Variants in CHST11 observed in about 807,000 individuals in gnomAD.
CHST11 encodes carbohydrate sulfotransferase 11, also known as C4S-1.
CHST11 carries 9 observed loss-of-function variants against 30.4 expected under a neutral mutation model. That is an observed-to-expected ratio of 0.30 (90% CI 0.18 to 0.52). The LOEUF is 0.52. Ranked by LOEUF, CHST11 falls within the 20% of genes least tolerant of loss-of-function variation. The pLI is 0.97. For missense variants in CHST11, 348 were observed against 460.6 expected (o/e 0.76, Z 2.24); for synonymous variants, 152 against 187.8 (o/e 0.81, Z 1.56).
chr12:104,756,532 G>GGTGTGT lies in CHST11; in HGVS notation c.205-392_205-387dup, dbSNP rs113577198. On this transcript the variant is annotated intron_variant, in intron 2 of 2. Coordinates refer to ENST00000303694, the MANE Select transcript of CHST11 (RefSeq NM_018413.6). Reference sequence around the variant, plus strand: ...CATCATGAGGTCTGGATCCATGTGGGGTGTGTGTGTGTGTGTGTGTGTGTG... The same window carrying GGTGTGT: ...CATCATGAGGTCTGGATCCATGTGGGGTGTGTGTGTGTGTGTGTGTGTGTGTGTGTG... 7.9e-3 allele frequency among the ~76,000 whole-genome samples: 1,128 copies of GGTGTGT among 143,388 alleles called. 17 individuals are homozygous for GGTGTGT. The highest frequency in any genetic ancestry group is 0.026 in the African/African-American group (1,003 of 38,350). 94.1% of individuals were successfully genotyped at this position (143,388 alleles called of 152,430 possible). A position where few individuals can be genotyped will look rare whatever the true frequency, so the allele number is the denominator to read the frequency against.
chr12:104,583,968 C>T (rs1347963613), intron 1 of CHST11, among the ~76,000 whole-genome samples: 1 of 152,352 alleles, frequency 6.6e-6, no homozygotes, highest in Non-Finnish European at 1.5e-5. Context: ...CCTCCTCGGC[C>T]TCCCAAAGTG....
At chr12:104,570,243 T>C (rs1309579862) in intron 1 of CHST11, among the ~76,000 whole-genome samples, 1 of 152,210 alleles carries the variant, frequency 6.6e-6, no homozygotes, top group Non-Finnish European at 1.5e-5. Context: ...CCTTGTTTAT[T>C]CCTCTTTTCC....
chr12:104,470,212 TTA>T (rs2037494857), intron 1 of CHST11, among the ~76,000 whole-genome samples: 1 of 152,222 alleles, frequency 6.6e-6, no homozygotes, highest in African/African-American at 2.4e-5. Context: ...TAGTCTGTTC[TTA>T]TGCTGCTGTG....
intron 1 of CHST11, among the ~76,000 whole-genome samples, chr12:104,544,138 A>AAAAGAAAGAAAGAAAG (rs59116085): frequency 0.055 from 3,956 of 71,428 alleles, 145 homozygotes; most frequent in Middle Eastern, 0.12. Context: ...AAAAAAAAAA[A>AAAAGAAAGAAAGAAAG]AAAGAAAGAA....
chr12:104,663,350 A>G (rs1566028196), intron 2 of CHST11, among the ~76,000 whole-genome samples: 2 of 152,206 alleles, frequency 1.3e-5, no homozygotes, highest in Non-Finnish European at 2.9e-5. Flanking sequence ...TTTTGTAGGT[A>G]TGAGACAAAT....
At chr12:104,709,131 A>C (rs1410975039) in intron 2 of CHST11, among the ~76,000 whole-genome samples, 4 of 152,228 alleles carry the variant, frequency 2.6e-5, no homozygotes, top group Non-Finnish European at 5.9e-5. Flanking sequence ...AATGACAAAG[A>C]AACTGCAAAA....
chr12:104,517,436 T>C (rs1337995563), intron 1 of CHST11, among the ~76,000 whole-genome samples: 1 of 152,184 alleles, frequency 6.6e-6, no homozygotes, highest in African/African-American at 2.4e-5. Flanking sequence ...CAGGGGGTGG[T>C]GTAGGGGCTT....
chr12:104,582,574 C>T (rs1306180508), intron 1 of CHST11, among the ~76,000 whole-genome samples: 1 of 152,166 alleles, frequency 6.6e-6, no homozygotes, highest in African/African-American at 2.4e-5. Context: ...TTCACGTCCC[C>T]TCTGCACGCC....
intron 1 of CHST11, among the ~76,000 whole-genome samples, chr12:104,488,584 T>C (rs1165961249): frequency 1.3e-5 from 1 of 77,546 alleles, no homozygotes; most frequent in African/African-American, 3.2e-5. Context: ...TGTGTGTGTA[T>C]GTATGCGTAT....
chr12:104,569,895 A>C (rs540486667), intron 1 of CHST11, among the ~76,000 whole-genome samples: 1 of 152,296 alleles, frequency 6.6e-6, no homozygotes, highest in East Asian at 1.9e-4. Context: ...CAGTTGGAGG[A>C]AGAGGACGGG....
intron 2 of CHST11, among the ~76,000 whole-genome samples, chr12:104,613,272 GAGATAGAT>G (rs76809682): frequency 3.3e-5 from 5 of 151,312 alleles, no homozygotes; most frequent in African/African-American, 7.3e-5. Flanking sequence ...AAATGTGAGT[GAGATAGAT>G]AGATAGATAG....
At chr12:104,696,507 A>AAAAAAAAAC (rs2039948667) in intron 2 of CHST11, among the ~76,000 whole-genome samples, 3 of 138,672 alleles carry the variant, frequency 2.2e-5, no homozygotes, top group African/African-American at 8.0e-5. Context: ...AAAAAAAAAA[A>AAAAAAAAAC]CATAGCTGGG....
At chr12:104,726,834 G>T (rs1420500845) in intron 2 of CHST11, among the ~76,000 whole-genome samples, 1 of 152,194 alleles carries the variant, frequency 6.6e-6, no homozygotes, top group African/African-American at 2.4e-5. Flanking sequence ...GGAACCCATA[G>T]CAAGATCTGA....
chr12:104,718,878 A>C (rs1350018952), intron 2 of CHST11, among the ~76,000 whole-genome samples: 1 of 152,222 alleles, frequency 6.6e-6, no homozygotes, highest in African/African-American at 2.4e-5. Context: ...ATTAAACAAG[A>C]CAAGGGAGGT....
chr12:104,480,535 GCCACTGCAC>G (rs2135960400), intron 1 of CHST11, among the ~76,000 whole-genome samples: 1 of 146,404 alleles, frequency 6.8e-6, no homozygotes, highest in South Asian at 2.1e-4. Context: ...CTGAGATCGT[GCCACTGCAC>G]CCCAGCCTGG....
intron 1 of CHST11, among the ~76,000 whole-genome samples, chr12:104,473,398 T>C (rs2037529105): frequency 6.6e-6 from 1 of 152,166 alleles, no homozygotes; most frequent in South Asian, 2.1e-4. Context: ...CTGGAAGCAG[T>C]GGCAGGAGAA....
chr12:104,496,021 A>G (rs2037794633), intron 1 of CHST11, among the ~76,000 whole-genome samples: 3 of 152,250 alleles, frequency 2.0e-5, no homozygotes, highest in Non-Finnish European at 1.5e-5. Context: ...AGCAGACTTA[A>G]GCGAGGGCTT....
At chr12:104,479,899 G>C (rs983321026) in intron 1 of CHST11, among the ~76,000 whole-genome samples, 5 of 152,192 alleles carry the variant, frequency 3.3e-5, no homozygotes, top group African/African-American at 9.6e-5. Context: ...AAGAGGGAGA[G>C]AGGTCCAGCG....
At chr12:104,616,482 T>C (rs78347001) in intron 2 of CHST11, among the ~76,000 whole-genome samples, 1 of 151,854 alleles carries the variant, frequency 6.6e-6, no homozygotes, top group South Asian at 2.1e-4. Flanking sequence ...TTTTTTTTTT[T>C]TGAGACGGAG....
Sources: gnomAD v4.1 joint callset for allele counts (sites outside exome capture counted in the v4.1 genomes callset) on GRCh38, gnomAD v4.1.1 for gene constraint, MANE v1.5 for transcripts, NCBI Gene and HGNC (gene_info 2026-07-23, HGNC 2026-07-21) for gene names.